AP2B1: variants seen among roughly 807,000 people sequenced by gnomAD.
AP2B1 encodes the protein AP-2 complex subunit beta.
A neutral mutation model predicts 102.0 loss-of-function variants in AP2B1; 23 were observed. The ratio of observed to expected loss-of-function variants is 0.23; its 90% CI spans 0.16 to 0.32. The LOEUF (loss-of-function observed/expected upper bound fraction) is 0.32. Among genes scored for constraint, AP2B1 ranks in the 10% least tolerant of loss-of-function variants. The pLI, the probability that AP2B1 is intolerant of heterozygous loss-of-function variation, is 1.00. For synonymous variants in AP2B1, 381 were observed against 421.2 expected (o/e 0.90, Z 1.17); for missense variants, 541 against 1,157.4 (o/e 0.47, Z 7.73).
intron 14 of AP2B1, among the ~76,000 whole-genome samples, chr17:35,665,631 C>T (rs2075449656): frequency 1.3e-5 from 2 of 152,220 alleles, no homozygotes; most frequent in Non-Finnish European, 2.9e-5. Flanking sequence ...TTGCACCATT[C>T]TGTTGACTCC....
chr17:35,617,571 T>C (rs225247), intron 5 of AP2B1, among the ~76,000 whole-genome samples: 1 of 152,066 alleles, frequency 6.6e-6, no homozygotes, highest in African/African-American at 2.4e-5. Context: ...AATCTAAGAG[T>C]ACTACTTACT....
At chr17:35,699,451 C>G (rs17608253) in intron 18 of AP2B1, among the ~76,000 whole-genome samples, 11,115 of 152,252 alleles carry the variant, frequency 0.073, 468 homozygotes, top group Middle Eastern at 0.11. Flanking sequence ...TCAGGATGAA[C>G]AGCAGTTTGG....
intron 5 of AP2B1, among the ~76,000 whole-genome samples, chr17:35,611,858 A>G (rs1265846912): frequency 6.6e-6 from 1 of 152,202 alleles, no homozygotes; most frequent in African/African-American, 2.4e-5. Context: ...GCACATGAAT[A>G]GGTCTCTATT....
At chr17:35,651,196 A>G (rs1187914939) in intron 13 of AP2B1, among the ~76,000 whole-genome samples, 1 of 152,202 alleles carries the variant, frequency 6.6e-6, no homozygotes, top group Non-Finnish European at 1.5e-5. Context: ...CCATTACTGT[A>G]GCTTTTGTTG....
chr17:35,700,691 T>G lies in AP2B1; in HGVS notation c.2455-8533T>G, dbSNP rs949260602. 7.2e-5 allele frequency among the ~76,000 whole-genome samples: 11 copies of G among 152,214 alleles called. 1 individual carries two copies. Among genetic ancestry groups the G allele is most frequent in the Admixed American group, 7.2e-4 (11 of 15,278 alleles). ...ACAAGGTTAGAATATTAATTTAGCCTGTTCATCTCCAGCTGTCCCACCATA... is the reference window on the plus strand; with the variant it reads ...ACAAGGTTAGAATATTAATTTAGCCGGTTCATCTCCAGCTGTCCCACCATA... On this transcript the variant is annotated intron_variant, in intron 18 of 21. Coordinates refer to ENST00000610402, the MANE Select transcript of AP2B1 (RefSeq NM_001030006.2).
intron 7 of AP2B1, 56 bp from the exon 8 acceptor site, chr17:35,627,326 CAGA>C: frequency 7.3e-7 from 1 of 1,364,364 alleles, no homozygotes; most frequent in South Asian, 1.2e-5. Flanking sequence ...AATACAGTCT[CAGA>C]AGGGTATATC....
chr17:35,625,681 G>A (rs1187788330), intron 6 of AP2B1, among the ~76,000 whole-genome samples: 1 of 151,632 alleles, frequency 6.6e-6, no homozygotes, highest in Non-Finnish European at 1.5e-5. Context: ...TATAGATAGT[G>A]TAATATGTAA....
chr17:35,707,641 C>T (rs1464055528), intron 18 of AP2B1, among the ~76,000 whole-genome samples: 2 of 151,742 alleles, frequency 1.3e-5, no homozygotes, highest in African/African-American at 4.8e-5. Flanking sequence ...TTGGTAGAGA[C>T]GGGGTTTCTT....
At chr17:35,605,327 C>A (rs1163360313) in intron 3 of AP2B1, among the ~76,000 whole-genome samples, 1 of 151,716 alleles carries the variant, frequency 6.6e-6, no homozygotes, top group African/African-American at 2.4e-5. Flanking sequence ...CAGCTCACCG[C>A]AAACTCTGCC....
At chr17:35,630,358 A>C (rs1037680626) in intron 9 of AP2B1, among the ~76,000 whole-genome samples, 1 of 152,170 alleles carries the variant, frequency 6.6e-6, no homozygotes, top group Non-Finnish European at 1.5e-5. Flanking sequence ...CATTGTTTTT[A>C]TTACCACTGT....
chr17:35,687,261 A>AC (rs2075956053), intron 18 of AP2B1, among the ~76,000 whole-genome samples: 1 of 151,846 alleles, frequency 6.6e-6, no homozygotes, highest in Non-Finnish European at 1.5e-5. Context: ...ACAGGAGCAC[A>AC]CCACTACACC....
rs148884367 is a variant in AP2B1, at chr17:35,684,949, G to A, written c.2454+2125G>A. 3.9e-3 allele frequency among the ~76,000 whole-genome samples: 595 copies of A among 152,312 alleles called. 1 individual carries two copies. The highest frequency in any genetic ancestry group is 6.7e-3 in the Non-Finnish European group (455 of 68,022). ...TGAATGTCAGTTTACTTTCCTGTTGGCATTTCCATTTGACTAACTCCTGAA... is the reference window on the plus strand; with the variant it reads ...TGAATGTCAGTTTACTTTCCTGTTGACATTTCCATTTGACTAACTCCTGAA... On this transcript the variant is annotated intron_variant, in intron 18 of 21. Transcript: ENST00000610402.
intron 14 of AP2B1, among the ~76,000 whole-genome samples, chr17:35,660,544 T>A (rs2075336666): frequency 1.3e-5 from 2 of 149,736 alleles, no homozygotes; most frequent in South Asian, 4.2e-4. Flanking sequence ...AGTGCAGTTG[T>A]GTGATCTTGG....
At chr17:35,660,470 T>G (rs112300311) in intron 14 of AP2B1, among the ~76,000 whole-genome samples, 4,039 of 150,690 alleles carry the variant, frequency 0.027, 76 homozygotes, top group Middle Eastern at 0.054. Context: ...TACCTTTTTC[T>G]TTTTCTCTCT....
intron 5 of AP2B1, among the ~76,000 whole-genome samples, chr17:35,622,829 T>C (rs1173878249): frequency 6.6e-6 from 1 of 152,114 alleles, no homozygotes; most frequent in African/African-American, 2.4e-5. Flanking sequence ...CATGCCCGGC[T>C]AATTTTTTAT....
chr17:35,604,170 T>C (rs951944310), intron 3 of AP2B1, among the ~76,000 whole-genome samples: 1 of 152,154 alleles, frequency 6.6e-6, no homozygotes, highest in Admixed American at 6.5e-5. Context: ...TGCAGTGGCA[T>C]GTTCGTGGCT....
At chr17:35,601,168 A>G (rs567789530) in intron 3 of AP2B1, 27 of 179,162 alleles carry the variant, frequency 1.5e-4, no homozygotes, top group African/African-American at 6.2e-4. Flanking sequence ...ACAAGAGAGA[A>G]GACAAATTTC....
At chr17:35,623,394 T>C (rs2074236595) in intron 5 of AP2B1, among the ~76,000 whole-genome samples, 1 of 152,016 alleles carries the variant, frequency 6.6e-6, no homozygotes, top group Non-Finnish European at 1.5e-5. Flanking sequence ...CAAAACCCCA[T>C]TTCTACTAAA....
At chr17:35,589,777 A>C (rs772911967) in intron 1 of AP2B1, among the ~76,000 whole-genome samples, 7 of 152,176 alleles carry the variant, frequency 4.6e-5, no homozygotes, top group Middle Eastern at 3.2e-3. Context: ...TGTGAGTTCA[A>C]ATTCCATCAT....
Sources: gnomAD v4.1 joint callset for allele counts (sites outside exome capture counted in the v4.1 genomes callset) on GRCh38, gnomAD v4.1.1 for gene constraint, MANE v1.5 for transcripts, NCBI Gene and HGNC (gene_info 2026-07-23, HGNC 2026-07-21) for gene names.